The following LGSN variants were observed in gnomAD, a reference collection of about 807,000 sequenced individuals.
LGSN encodes lengsin.
A neutral mutation model predicts 19.5 loss-of-function variants in LGSN; 21 were observed. The ratio of observed to expected loss-of-function variants is 1.07; its 90% CI spans 0.76 to 1.55. The LOEUF (loss-of-function observed/expected upper bound fraction) is 1.55, where lower values mean the gene tolerates loss of function less well. LGSN is among the 40% of genes most tolerant of loss of function. The pLI is 0.00. For synonymous variants in LGSN, 257 were observed against 215.6 expected (o/e 1.19, Z -1.68); for missense variants, 673 against 608.5 (o/e 1.11, Z -1.12).
the LGSN span, among the ~76,000 whole-genome samples, chr6:63,564,500 A>G: frequency 6.6e-6 from 1 of 152,126 alleles, no homozygotes; most frequent in Non-Finnish European, 1.5e-5. Flanking sequence ...GTTCAACAAC[A>G]TTTCTCCTTA....
upstream of LGSN, among the ~76,000 whole-genome samples, chr6:63,322,732 C>A (rs1156559540): frequency 6.6e-6 from 1 of 152,120 alleles, no homozygotes; most frequent in African/African-American, 2.4e-5. Context: ...CCAGAAATAC[C>A]TCATTTTCTA....
At chr6:63,409,995 C>T in the LGSN span, among the ~76,000 whole-genome samples, 14 of 152,186 alleles carry the variant, frequency 9.2e-5, no homozygotes, top group South Asian at 2.1e-3. Flanking sequence ...CAAGATAGTG[C>T]TACTGCACTT....
the LGSN span, among the ~76,000 whole-genome samples, chr6:63,488,310 C>T: frequency 6.6e-6 from 1 of 152,114 alleles, no homozygotes; most frequent in African/African-American, 2.4e-5. Context: ...ATTAGTTAAG[C>T]ACTATTCTCC....
the LGSN span, among the ~76,000 whole-genome samples, chr6:63,354,938 C>T: frequency 1.3e-5 from 2 of 151,842 alleles, no homozygotes; most frequent in East Asian, 3.9e-4. Flanking sequence ...AAAAGTTGAT[C>T]TCTTGGATGT....
the LGSN span, among the ~76,000 whole-genome samples, chr6:63,447,267 A>G: frequency 6.6e-6 from 1 of 152,180 alleles, no homozygotes; most frequent in Admixed American, 6.5e-5. Flanking sequence ...CTACCTCAAT[A>G]AAGTTCTGGC....
the LGSN span, among the ~76,000 whole-genome samples, chr6:63,330,232 T>A: frequency 4.6e-5 from 7 of 152,360 alleles, no homozygotes; most frequent in East Asian, 1.3e-3. Flanking sequence ...ACCACACTGA[T>A]AATAAGCCCT....
chr6:63,445,085 C>T, the LGSN span, among the ~76,000 whole-genome samples: 8 of 152,276 alleles, frequency 5.3e-5, no homozygotes, highest in Non-Finnish European at 1.0e-4. Context: ...CCGAGGTGGG[C>T]GGATCACCTG....
chr6:63,353,614 A>T, the LGSN span, among the ~76,000 whole-genome samples: 1 of 151,578 alleles, frequency 6.6e-6, no homozygotes, highest in Admixed American at 6.6e-5. Flanking sequence ...AAAAGAAAAA[A>T]TAATGTTTTT....
chr6:63,511,869 G>A, the LGSN span, among the ~76,000 whole-genome samples: 1 of 152,102 alleles, frequency 6.6e-6, no homozygotes, highest in Non-Finnish European at 1.5e-5. Context: ...TTGAAAGACA[G>A]TTTAAATCCA....
the LGSN span, among the ~76,000 whole-genome samples, chr6:63,463,079 T>C: frequency 9.2e-5 from 14 of 152,336 alleles, no homozygotes; most frequent in African/African-American, 3.4e-4. Context: ...AGACTGAAGC[T>C]AGACACTTGA....
chr6:63,429,029 T>A, the LGSN span, among the ~76,000 whole-genome samples: 1 of 152,024 alleles, frequency 6.6e-6, no homozygotes, highest in African/African-American at 2.4e-5. Flanking sequence ...AAGAAAAAAT[T>A]ACAGCAAATT....
At chr6:63,315,193 C>A (rs1006764234) in intron 1 of LGSN, among the ~76,000 whole-genome samples, 1 of 152,084 alleles carries the variant, frequency 6.6e-6, no homozygotes. Context: ...TTAATTATAA[C>A]CAAGACCTAC....
chr6:63,317,612 A>G (rs143736565), intron 1 of LGSN, among the ~76,000 whole-genome samples: 279 of 152,318 alleles, frequency 1.8e-3, no homozygotes, highest in African/African-American at 6.2e-3. Context: ...GGAAAATACA[A>G]AACAAGAATC....
chr6:63,361,100 G>A, the LGSN span, among the ~76,000 whole-genome samples: 2 of 152,222 alleles, frequency 1.3e-5, no homozygotes, highest in African/African-American at 2.4e-5. Flanking sequence ...CTACTCGAGG[G>A]TCAGGGACCC....
At chr6:63,449,340 A>T in the LGSN span, among the ~76,000 whole-genome samples, 3 of 152,062 alleles carry the variant, frequency 2.0e-5, no homozygotes. Flanking sequence ...AGGTCAAGAG[A>T]TCAAGACCAT....
chr6:63,353,801 T>A, the LGSN span, among the ~76,000 whole-genome samples: 1 of 152,090 alleles, frequency 6.6e-6, no homozygotes, highest in Middle Eastern at 3.4e-3. Flanking sequence ...AACTGACACA[T>A]AGACCAATGA....
chr6:63,415,672 GA>G, the LGSN span, among the ~76,000 whole-genome samples: 167 of 152,320 alleles, frequency 1.1e-3, no homozygotes, highest in African/African-American at 3.8e-3. Flanking sequence ...TTTGAGTGGG[GA>G]CAGAAAGCCT....
rs764036960 is a variant in LGSN, at chr6:63,280,410, G to A, written c.1141C>T (p.Pro381Ser). Residue 381 changes from proline to serine, a missense_variant, in exon 4 of 4, where the codon CCT becomes TCT. By Grantham distance (74) the Pro-to-Ser change is moderately conservative (BLOSUM62 -1). Coordinates refer to ENST00000370657, the MANE Select transcript of LGSN (RefSeq NM_016571.3). ...KDRKDLKKSV[P>S]TTWGYNDNSC... Reference sequence around the variant, plus strand: ...TTGTCATTGTATCCCCATGTTGTAGGCACACTCTTCTTCAGGTCTTTCCTG... The same window carrying A: ...TTGTCATTGTATCCCCATGTTGTAGACACACTCTTCTTCAGGTCTTTCCTG... 13 of 1,614,144 alleles carry A rather than the reference G, an allele frequency of 8.1e-6. No homozygotes were observed. The highest frequency in any genetic ancestry group is 1.1e-5 in the Non-Finnish European group (13 of 1,180,034).
the LGSN span, among the ~76,000 whole-genome samples, chr6:63,476,165 A>G: frequency 1.5e-3 from 236 of 152,324 alleles, no homozygotes; most frequent in African/African-American, 5.2e-3. Flanking sequence ...TTCACTAAGC[A>G]ACAAAATCAT....
Sources: allele counts gnomAD v4.1 joint callset (sites outside exome capture counted in the v4.1 genomes callset), GRCh38; gene constraint gnomAD v4.1.1; transcripts MANE v1.5; gene names NCBI Gene and HGNC (gene_info 2026-07-23, HGNC 2026-07-21).